The following DOCK2 variants were observed in gnomAD, a reference collection of about 807,000 sequenced individuals.
The protein encoded by DOCK2 is dedicator of cytokinesis 2.
DOCK2 carries 87 observed loss-of-function variants against 248.9 expected under a neutral mutation model. The observed-to-expected ratio is 0.35, with a 90% CI of 0.29 to 0.42. The LOEUF (loss-of-function observed/expected upper bound fraction) is 0.42, where lower values mean the gene tolerates loss of function less well. DOCK2 is among the 10% of genes least tolerant of loss of function. The pLI is 1.00. For missense variants in DOCK2, 1,747 were observed against 2,300.2 expected, an observed-to-expected ratio of 0.76 and a Z score of 4.92; for synonymous variants, 805 against 821.6, an observed-to-expected ratio of 0.98 and a Z score of 0.35.
chr5:170,001,372 G>A (rs965082323), intron 30 of DOCK2, among the ~76,000 whole-genome samples: 1 of 152,052 alleles, frequency 6.6e-6, no homozygotes, highest in African/African-American at 2.4e-5. Context: ...TATAAACATC[G>A]GATGGACCAG....
intron 44 of DOCK2, among the ~76,000 whole-genome samples, chr5:170,062,128 T>TGTGTGAGAGA (rs778077276): frequency 1.0e-4 from 14 of 137,916 alleles, no homozygotes; most frequent in African/African-American, 1.5e-4. Flanking sequence ...TGTGTGTGTG[T>TGTGTGAGAGA]GAGAGAGAGA....
Position 169,919,779 on chromosome 5 carries a change from C to T in DOCK2, c.2800-63289C>T, listed in dbSNP as rs143940471. On this transcript the variant is annotated intron_variant, in intron 27 of 51. Coordinates refer to ENST00000520908, the MANE Select transcript of DOCK2 (RefSeq NM_004946.3). Reference sequence around the variant, plus strand: ...GGGGGCAACTGGAAGCAGCTAAACCCTTATTCTTCCCTGGAGTATTTGCAT... The same window carrying T: ...GGGGGCAACTGGAAGCAGCTAAACCTTTATTCTTCCCTGGAGTATTTGCAT... 4.0e-3 allele frequency among the ~76,000 whole-genome samples: 608 copies of T among 152,272 alleles called. 3 individuals are homozygous for T. Among genetic ancestry groups the T allele is most frequent in the Middle Eastern group, 0.01 (3 of 294 alleles).
intron 27 of DOCK2, among the ~76,000 whole-genome samples, chr5:169,969,696 G>A (rs1777430473): frequency 6.6e-6 from 1 of 152,086 alleles, no homozygotes; most frequent in South Asian, 2.1e-4. Context: ...AACAGTGAGA[G>A]AACTAGGTGG....
intron 49 of DOCK2, chr5:170,079,367 T>C (rs1196653230): frequency 3.7e-6 from 2 of 539,878 alleles, no homozygotes; most frequent in Non-Finnish European, 6.6e-6. Flanking sequence ...AGTTGAGCCC[T>C]GACCTTTGCA....
chr5:170,000,277 G>A (rs1234403630), intron 30 of DOCK2: 1 of 152,210 alleles, frequency 6.6e-6, no homozygotes, highest in Non-Finnish European at 1.5e-5. Flanking sequence ...TGAAGAGGGT[G>A]ACTAACTTTA....
chr5:169,883,277 TATC>T, intron 27 of DOCK2: 2 of 1,551,592 alleles, frequency 1.3e-6, no homozygotes, highest in Non-Finnish European at 1.7e-6. Flanking sequence ...CTGTGATAAA[TATC>T]ATCTGGAACC....
At chr5:169,946,006 C>A (rs955766869) in intron 27 of DOCK2, among the ~76,000 whole-genome samples, 1 of 152,152 alleles carries the variant, frequency 6.6e-6, no homozygotes, top group South Asian at 2.1e-4. Context: ...GCCATCCCCT[C>A]CTCCCTGCTT....
At chr5:169,934,580 T>C (rs764117536) in intron 27 of DOCK2, 2 of 453,920 alleles carry the variant, frequency 4.4e-6, no homozygotes, top group African/African-American at 2.0e-5. Context: ...TAAATCCTGC[T>C]CTTTGCTTCC....
chr5:170,046,290 A>G (rs560895501), intron 39 of DOCK2, among the ~76,000 whole-genome samples: 1 of 152,342 alleles, frequency 6.6e-6, no homozygotes, highest in South Asian at 2.1e-4. Flanking sequence ...TCACATTAAA[A>G]TGCTCCCCAT....
chr5:169,929,741 C>CAA (rs1211612989), intron 27 of DOCK2, among the ~76,000 whole-genome samples: 138 of 62,246 alleles, frequency 2.2e-3, no homozygotes, highest in Admixed American at 2.8e-3. Flanking sequence ...GACCCTGTCT[C>CAA]AAAAAAAAAA....
intron 27 of DOCK2, among the ~76,000 whole-genome samples, chr5:169,878,016 C>G (rs930305102): frequency 1.3e-5 from 2 of 152,178 alleles, no homozygotes; most frequent in African/African-American, 4.8e-5. Flanking sequence ...CAACTGAAAC[C>G]AAGCAGTTTT....
At chr5:169,742,609 A>T (rs1763377998) in intron 22 of DOCK2, among the ~76,000 whole-genome samples, 2 of 152,080 alleles carry the variant, frequency 1.3e-5, no homozygotes, top group Admixed American at 1.3e-4. Context: ...TCTCAAGGGA[A>T]TCTTCCCACT....
intron 26 of DOCK2, among the ~76,000 whole-genome samples, chr5:169,807,560 A>T (rs542281124): frequency 6.6e-6 from 1 of 151,988 alleles, no homozygotes; most frequent in East Asian, 1.9e-4. Context: ...GGCTGGGTGC[A>T]TGTGGCTCAC....
intron 42 of DOCK2, 65 bp downstream of exon 42, chr5:170,055,451 G>A: frequency 6.9e-7 from 1 of 1,456,950 alleles, no homozygotes; most frequent in East Asian, 2.3e-5. Flanking sequence ...ACCAAACTGA[G>A]CTGGTGGCAG....
chr5:169,893,310 T>C (rs1306213242), intron 27 of DOCK2, among the ~76,000 whole-genome samples: 2 of 152,200 alleles, frequency 1.3e-5, no homozygotes, highest in Admixed American at 1.3e-4. Context: ...AAGCCTTTAC[T>C]ACCACCAGAT....
At chr5:169,648,458 A>G (rs561679610) in intron 1 of DOCK2, among the ~76,000 whole-genome samples, 3 of 152,318 alleles carry the variant, frequency 2.0e-5, no homozygotes, top group South Asian at 2.1e-4. Flanking sequence ...ACTGTGCGCT[A>G]CAATATGCAG....
intron 26 of DOCK2, among the ~76,000 whole-genome samples, chr5:169,807,918 T>C (rs1767494024): frequency 6.6e-6 from 1 of 150,762 alleles, no homozygotes; most frequent in African/African-American, 2.4e-5. Flanking sequence ...TTCAAACACA[T>C]TAATTTGTAC....
At chr5:170,061,659 T>C (rs1757331399) in intron 44 of DOCK2, among the ~76,000 whole-genome samples, 1 of 152,268 alleles carries the variant, frequency 6.6e-6, no homozygotes, top group Non-Finnish European at 1.5e-5. Flanking sequence ...TTTCATTCTC[T>C]TTCTCTGTTC....
chr5:169,646,574 T>C (rs1048682247), intron 1 of DOCK2, among the ~76,000 whole-genome samples: 7 of 152,292 alleles, frequency 4.6e-5, no homozygotes, highest in African/African-American at 1.4e-4. Flanking sequence ...AGGGTTAACT[T>C]TGAGTCCATT....
Sources: gnomAD v4.1 joint callset for allele counts (sites outside exome capture counted in the v4.1 genomes callset) on GRCh38, gnomAD v4.1.1 for gene constraint, MANE v1.5 for transcripts, NCBI Gene and HGNC (gene_info 2026-07-23, HGNC 2026-07-21) for gene names.